ROCK2: variants seen among roughly 807,000 people sequenced by gnomAD.
The protein encoded by ROCK2 is rho-associated protein kinase 2.
Under a neutral mutation model 195.1 loss-of-function variants are expected in ROCK2, and 61 were observed. That is an observed-to-expected ratio of 0.31 (90% CI 0.25 to 0.39). The LOEUF (loss-of-function observed/expected upper bound fraction) is 0.39, where lower values mean the gene tolerates loss of function less well. ROCK2 is among the 10% of genes least tolerant of loss of function. The pLI is 1.00. For missense variants in ROCK2, 1,109 were observed against 1,637.4 expected, an observed-to-expected ratio of 0.68 and a Z score of 5.57; for synonymous variants, 504 against 545.5, an observed-to-expected ratio of 0.92 and a Z score of 1.06.
intron 3 of ROCK2, among the ~76,000 whole-genome samples, chr2:11,272,416 AAATT>A (rs755967895): frequency 3.3e-5 from 5 of 152,216 alleles, no homozygotes; most frequent in Non-Finnish European, 1.5e-5. Flanking sequence ...ACATATTTTT[AAATT>A]ATTAATCTAA....
At chr2:11,295,787 T>C (rs979362598) in intron 1 of ROCK2, among the ~76,000 whole-genome samples, 1 of 151,932 alleles carries the variant, frequency 6.6e-6, no homozygotes, top group Admixed American at 6.6e-5. Context: ...TGAAACCCCG[T>C]CTCTACTAAA....
rs1035664562 is a variant in ROCK2, at chr2:11,293,877, G to A, written c.142-6141C>T. 1.3e-4 allele frequency among the ~76,000 whole-genome samples: 20 copies of A among 152,204 alleles called. No homozygotes were observed. In the Middle Eastern group the frequency reaches 0.014, roughly 104 times the overall value. On this transcript the variant is annotated intron_variant, in intron 1 of 32. Transcript: ENST00000315872. ...TATTCTGATTTTAAAAGAACGTACGGGCCAGGCGCGGTGGCTCACACCTGT... is the reference window on the plus strand; with the variant it reads ...TATTCTGATTTTAAAAGAACGTACGAGCCAGGCGCGGTGGCTCACACCTGT...
chr2:11,211,932 G>GCAAGAC, intron 17 of ROCK2, 92 bp from the exon 18 acceptor site: 1 of 935,344 alleles, frequency 1.1e-6, no homozygotes, highest in Non-Finnish European at 1.5e-6. Context: ...TTGAGACAGA[G>GCAAGAC]TCTTGCTCTG....
intron 1 of ROCK2, among the ~76,000 whole-genome samples, chr2:11,317,960 G>A (rs1193645133): frequency 6.6e-6 from 1 of 151,896 alleles, no homozygotes; most frequent in Non-Finnish European, 1.5e-5. Context: ...CTTTCTTATG[G>A]CTGCATTGTA....
intron 17 of ROCK2, 130 bp from the exon 18 acceptor site, chr2:11,211,970 A>C: frequency 1.7e-6 from 1 of 602,546 alleles, no homozygotes; most frequent in Non-Finnish European, 2.6e-6. Flanking sequence ...CAGTGGTTTG[A>C]TTATGGCTCA....
chr2:11,201,125 T>G lies in ROCK2; in HGVS notation c.2742A>C (p.Gln914His). Residue 914 changes from glutamine (Q) to histidine (H), a missense_variant, in exon 23 of 33, where the codon CAA becomes CAC. Coordinates refer to ENST00000315872, the MANE Select transcript of ROCK2 (RefSeq NM_004850.5). This position sits in a 1 kb window ranked among gnomAD's most constrained non-coding sequence, Gnocchi z 4.6. ...CTGCTTTGGTCAAGGTGATCTCCAG[T>G]TGGGCAGCCAAAGAGTCCCTACATT... The part of the protein sequence containing the change: ...LQDERDSLAA[Q>H]LEITLTKADS... 6.2e-7 allele frequency: 1 copy of G among 1,609,216 alleles called. No individual in the cohort carries two copies. The highest frequency in any genetic ancestry group is 2.2e-5 in the East Asian group (1 of 44,822).
intron 3 of ROCK2, among the ~76,000 whole-genome samples, chr2:11,269,214 T>C (rs1666535761): frequency 6.6e-6 from 1 of 152,204 alleles, no homozygotes; most frequent in Non-Finnish European, 1.5e-5. Flanking sequence ...GATAGCTGTT[T>C]TAAAGTCTTT....
At chr2:11,306,925 A>C (rs1378674223) in intron 1 of ROCK2, among the ~76,000 whole-genome samples, 1 of 152,230 alleles carries the variant, frequency 6.6e-6, no homozygotes, top group Non-Finnish European at 1.5e-5. Flanking sequence ...CTTGAAAAAT[A>C]TGGGAAGATA....
At chr2:11,209,961 G>A (rs1207868242) in intron 18 of ROCK2, among the ~76,000 whole-genome samples, 1 of 152,144 alleles carries the variant, frequency 6.6e-6, no homozygotes, top group Admixed American at 6.5e-5. Flanking sequence ...CAGGAAACAA[G>A]ACACAGAAAG....
At chr2:11,211,538 A>T (rs1016722659) in intron 18 of ROCK2, 143 bp downstream of exon 18, 15 of 693,984 alleles carry the variant, frequency 2.2e-5, no homozygotes, top group Non-Finnish European at 3.1e-5. Context: ...TATCTATGTA[A>T]AGCTTCCCTA....
At chr2:11,185,399 C>A (rs1296603412) in intron 32 of ROCK2, among the ~76,000 whole-genome samples, 1 of 152,114 alleles carries the variant, frequency 6.6e-6, no homozygotes, top group Non-Finnish European at 1.5e-5. Context: ...AATTCAATAA[C>A]CTAAACTGTA....
At chr2:11,304,631 G>T (rs1667799578) in intron 1 of ROCK2, among the ~76,000 whole-genome samples, 1 of 152,106 alleles carries the variant, frequency 6.6e-6, no homozygotes, top group Admixed American at 6.6e-5. Flanking sequence ...ACCTCCAACG[G>T]CTTCCCATTT....
chr2:11,217,980 A>T (rs2148070305), intron 11 of ROCK2: 1 of 153,454 alleles, frequency 6.5e-6, no homozygotes, highest in South Asian at 2.1e-4. Context: ...TGGCATAGCT[A>T]ATAAGTCGCA....
At chr2:11,207,938 A>G (rs191251789) in intron 19 of ROCK2, 28 bp from the exon 20 acceptor site, 8 of 1,406,134 alleles carry the variant, frequency 5.7e-6, no homozygotes, top group South Asian at 1.7e-5. Context: ...TACTTGGTAT[A>G]TAAGTAAATT....
At position 11,221,245 on chromosome 2, in the gene ROCK2, A is replaced by C. The variant is rs1389313747; in HGVS notation, c.1212T>G (p.Val404=). 6.3e-7 allele frequency: 1 copy of C among 1,585,530 alleles called. No individual in the cohort carries two copies. The highest frequency in any genetic ancestry group is 1.2e-5 in the South Asian group (1 of 83,228). Reference sequence around the variant, plus strand: ...ATCCGATGAAAGGCAGCTGATTTCCAACAAAAGCTTTAGGAATTGGGAAGG... The same window carrying C: ...ATCCGATGAAAGGCAGCTGATTTCCCACAAAAGCTTTAGGAATTGGGAAGG... The part of the protein sequence containing the change: ...VETFPIPKAF[V]GNQLPFIGFT... Residue 404 remains valine (V), a synonymous_variant, in exon 9 of 33, where the codon GTT becomes GTG. Coordinates refer to ENST00000315872, the MANE Select transcript of ROCK2 (RefSeq NM_004850.5).
At chr2:11,231,266 C>T (rs541731723) in intron 5 of ROCK2, among the ~76,000 whole-genome samples, 15 of 151,424 alleles carry the variant, frequency 9.9e-5, no homozygotes, top group South Asian at 4.2e-4. Context: ...CACAGTGGCA[C>T]GAACTTGGCT....
chr2:11,246,234 A>C (rs1665610805), intron 4 of ROCK2, among the ~76,000 whole-genome samples: 1 of 152,156 alleles, frequency 6.6e-6, no homozygotes. Context: ...CTAACAACCA[A>C]TTTACAAAAA....
In ROCK2 at chr2:11,201,219, TCAA is replaced by T. The variant is rs1663839238; in HGVS notation, c.2724-79_2724-77del. 6.5e-7 allele frequency: 1 copy of T among 1,531,404 alleles called. No individual in the cohort carries two copies. The highest frequency in any genetic ancestry group is 8.9e-7 in the Non-Finnish European group (1 of 1,124,360). 94.9% of individuals were successfully genotyped at this position (1,531,404 alleles called of 1,614,324 possible). ...GAAAGTTTTTGTCTAATTCACTTCA[TCAA>T]TAATTTTTTATTTGGTGATTACCAG... is the stretch of plus-strand genomic sequence containing the variant. On this transcript the variant is annotated intron_variant, in intron 22 of 32. Transcript: ENST00000315872. The surrounding 1 kb of genome is among the most constrained non-coding windows in gnomAD (Gnocchi z 4.6).
chr2:11,268,698 T>G (rs375984577), intron 3 of ROCK2, among the ~76,000 whole-genome samples: 3 of 152,226 alleles, frequency 2.0e-5, no homozygotes, highest in African/African-American at 7.2e-5. Context: ...ACTTCTCTTT[T>G]GCTGCTTTCA....
Sources: allele counts gnomAD v4.1 joint callset (sites outside exome capture counted in the v4.1 genomes callset), GRCh38; gene constraint gnomAD v4.1.1; non-coding constraint Gnocchi (gnomAD v3.1); transcripts MANE v1.5; gene names NCBI Gene and HGNC (gene_info 2026-07-23, HGNC 2026-07-21).